ATP9B: variants seen among roughly 807,000 people sequenced by gnomAD.
ATP9B encodes ATPase phospholipid transporting 9B, also known as probable phospholipid-transporting ATPase IIB.
ATP9B carries 110 observed loss-of-function variants against 146.1 expected under a neutral mutation model. The observed-to-expected ratio is 0.75, with a 90% CI of 0.65 to 0.88. The LOEUF is 0.88. Ranked by LOEUF, ATP9B falls within the 40% of genes least tolerant of loss-of-function variation. The pLI, the probability that ATP9B is intolerant of heterozygous loss-of-function variation, is 0.00. For synonymous variants in ATP9B, 604 were observed against 569.7 expected (o/e 1.06, Z -0.86); for missense variants, 1,499 against 1,496.4 (o/e 1.00, Z -0.03).
chr18:79,132,162 C>T lies in ATP9B; in HGVS notation c.667+5787C>T, dbSNP rs542079055. 3.9e-5 allele frequency among the ~76,000 whole-genome samples: 6 copies of T among 152,210 alleles called. No individual in the cohort carries two copies. In the South Asian group the frequency reaches 6.2e-4, roughly 16 times the overall value. ...TGTTGAGGAAGACCTTCTGCTGTTA[C>T]GTCTTTTGTACTTCTGTGATACTTG... On this transcript the variant is annotated intron_variant, in intron 5 of 29. Coordinates refer to ENST00000426216, the MANE Select transcript of ATP9B (RefSeq NM_198531.5).
Position 79,374,050 on chromosome 18 carries a change from C to G in ATP9B, c.3223C>G (p.Leu1075Val). The change falls in exon 28 of 30, where the codon CTC (leucine) becomes GTC (valine). Residue 1075 changes from leucine (L) to valine (V), a missense_variant. Leu to Val is a conservative substitution (Grantham distance 32). Transcript: ENST00000426216. ...WHWLMVVAEF[L>V]SLGCYVSSLA... ...CTGGCTGATGGTGGTGGCCGAGTTC[C>G]TCAGCTTAGGCTGCTACGTGTCCTC... The G allele has an allele frequency of 1.2e-6, 2 of 1,614,242 alleles. No individual in the cohort carries two copies. The highest frequency in any genetic ancestry group is 8.5e-7 in the Non-Finnish European group (1 of 1,180,042).
intron 17 of ATP9B, among the ~76,000 whole-genome samples, chr18:79,332,295 G>T (rs2096795354): frequency 6.6e-6 from 1 of 152,210 alleles, no homozygotes; most frequent in Non-Finnish European, 1.5e-5. Flanking sequence ...CGGGTGTGGT[G>T]GCGGGCGCCT....
rs140660026 is a variant in ATP9B at position 79,342,805 on chromosome 18, A to G, written c.2382+439A>G. Among the ~76,000 whole-genome samples the G allele has an allele frequency of 2.6e-5, 4 of 152,334 alleles. No homozygotes were observed. The East Asian group carries it at 7.7e-4, about 29-fold the overall frequency. ...GTAAAAATGTATATTGATTAAAAAA[A>G]TTACATTTTTCTACAAGTTATACGT... On this transcript the variant is annotated intron_variant, in intron 20 of 29. Transcript: ENST00000426216.
chr18:79,091,178 A>G lies in ATP9B; in HGVS notation c.120-5298A>G, dbSNP rs2074288832. Among the ~76,000 whole-genome samples, 3 of 152,190 alleles carry G rather than the reference A, an allele frequency of 2.0e-5. No individual in the cohort carries two copies. The South Asian group carries it at 6.2e-4, about 31-fold the overall frequency. On this transcript the variant is annotated intron_variant, in intron 1 of 29. Transcript: ENST00000426216. Reference sequence around the variant, plus strand: ...ATGCCAGTAACTTGCTGTTTTGGTTACTATAGCTCTGCAGTATAATTTGAA... The same window carrying G: ...ATGCCAGTAACTTGCTGTTTTGGTTGCTATAGCTCTGCAGTATAATTTGAA...
chr18:79,143,462 AGTTTT>A (rs2094538780), intron 5 of ATP9B, among the ~76,000 whole-genome samples: 1 of 152,194 alleles, frequency 6.6e-6, no homozygotes, highest in East Asian at 1.9e-4. Flanking sequence ...CTCTGTGTTA[AGTTTT>A]AATGCTGAGA....
chr18:79,142,168 T>A (rs2147396053), intron 5 of ATP9B, among the ~76,000 whole-genome samples: 1 of 152,358 alleles, frequency 6.6e-6, no homozygotes, highest in East Asian at 1.9e-4. Flanking sequence ...ATAAACTTTT[T>A]TCGTTAAACA....
rs372718240 is a variant in ATP9B at position 79,292,144 on chromosome 18, G to A, written c.1412-11460G>A. 3.9e-5 allele frequency among the ~76,000 whole-genome samples: 6 copies of A among 152,352 alleles called. No homozygotes were observed. In the East Asian group the frequency reaches 9.6e-4, roughly 24 times the overall value. On this transcript the variant is annotated intron_variant, in intron 13 of 29. Coordinates refer to ENST00000426216, the MANE Select transcript of ATP9B (RefSeq NM_198531.5). ...TTTATTTATCCATTCATAAGGTGAT[G>A]GACATGGGTTGTTTCTACTTTTTGC...
chr18:79,254,156 C>A (rs1316344909), intron 12 of ATP9B: 2 of 152,010 alleles, frequency 1.3e-5, no homozygotes, highest in African/African-American at 4.8e-5. Flanking sequence ...TTAAAATTTT[C>A]ATAGGAATGA....
In ATP9B at chr18:79,175,271, CTG is replaced by C. The variant is rs539586675; in HGVS notation, c.779-1539_779-1538del. Among the ~76,000 whole-genome samples the C allele has an allele frequency of 1.5e-3, 217 of 149,166 alleles. 2 individuals are homozygous for C. The highest frequency in any genetic ancestry group is 5.0e-3 in the African/African-American group (204 of 40,998). On this transcript the variant is annotated intron_variant, in intron 7 of 29. Coordinates refer to ENST00000426216, the MANE Select transcript of ATP9B (RefSeq NM_198531.5). ...CAAAAGTCACCTGGATGAATTCTCT[CTG>C]TGATTAAACTGAATTATGTTTTATA...
At chr18:79,202,342 A>G (rs1006687881) in intron 9 of ATP9B, among the ~76,000 whole-genome samples, 1 of 152,198 alleles carries the variant, frequency 6.6e-6, no homozygotes, top group African/African-American at 2.4e-5. Context: ...TTGAAGTATT[A>G]GCAGTATTTA....
intron 17 of ATP9B, among the ~76,000 whole-genome samples, chr18:79,333,393 G>A (rs1473368231): frequency 6.6e-6 from 1 of 152,208 alleles, no homozygotes; most frequent in Non-Finnish European, 1.5e-5. Context: ...CAGATTCTCA[G>A]TGTTCAGCAC....
chr18:79,114,651 T>A (rs1312109329), intron 4 of ATP9B, among the ~76,000 whole-genome samples: 1 of 152,202 alleles, frequency 6.6e-6, no homozygotes, highest in African/African-American at 2.4e-5. Flanking sequence ...ATATGTAATA[T>A]AAACACGAAA....
At chr18:79,086,138 T>C (rs1204483470) in intron 1 of ATP9B, 1 of 152,154 alleles carries the variant, frequency 6.6e-6, no homozygotes, top group East Asian at 1.9e-4. Flanking sequence ...TATAAGAATT[T>C]CCTTTAAAAG....
Position 79,323,488 on chromosome 18 carries a change from C to A in ATP9B, c.1774-5653C>A, listed in dbSNP as rs146697894. Among the ~76,000 whole-genome samples, 465 of 152,322 alleles carry A rather than the reference C, an allele frequency of 3.1e-3. 1 individual carries two copies. Among genetic ancestry groups the A allele is most frequent in the Non-Finnish European group, 4.3e-3 (291 of 68,034 alleles). Reference sequence around the variant, plus strand: ...ATCCTTCCCGGACTCTGGTAACCATCATTCTACTCTCTGTCTCCAGGAGTT... The same window carrying A: ...ATCCTTCCCGGACTCTGGTAACCATAATTCTACTCTCTGTCTCCAGGAGTT... On this transcript the variant is annotated intron_variant, in intron 15 of 29. Coordinates refer to ENST00000426216, the MANE Select transcript of ATP9B (RefSeq NM_198531.5).
intron 1 of ATP9B, among the ~76,000 whole-genome samples, chr18:79,094,309 G>A (rs928644275): frequency 3.3e-5 from 5 of 152,182 alleles, no homozygotes; most frequent in Non-Finnish European, 5.9e-5. Flanking sequence ...GGCATCCCTC[G>A]TCCAGCTTTC....
intron 26 of ATP9B, chr18:79,363,586 A>G (rs546563468): frequency 6.6e-6 from 1 of 152,430 alleles, no homozygotes; most frequent in Admixed American, 6.5e-5. Flanking sequence ...TGAGAGGCGT[A>G]AGCAGATGTT....
intron 11 of ATP9B, among the ~76,000 whole-genome samples, chr18:79,223,560 A>G (rs2095701304): frequency 6.6e-6 from 1 of 152,182 alleles, no homozygotes; most frequent in Non-Finnish European, 1.5e-5. Context: ...ACTGTTGTTA[A>G]TATTCACAAA....
At chr18:79,274,307 G>A (rs148866351) in intron 12 of ATP9B, among the ~76,000 whole-genome samples, 1 of 152,298 alleles carries the variant, frequency 6.6e-6, no homozygotes, top group African/African-American at 2.4e-5. Flanking sequence ...CCAACTTAGT[G>A]TTTGAAATCT....
intron 2 of ATP9B, among the ~76,000 whole-genome samples, chr18:79,096,888 G>T (rs1439961497): frequency 6.6e-6 from 1 of 152,146 alleles, no homozygotes; most frequent in Non-Finnish European, 1.5e-5. Context: ...CGGGTGTGGT[G>T]GCTCATGCCT....
Sources: allele counts gnomAD v4.1 joint callset (sites outside exome capture counted in the v4.1 genomes callset), GRCh38; gene constraint gnomAD v4.1.1; transcripts MANE v1.5; gene names NCBI Gene and HGNC (gene_info 2026-07-23, HGNC 2026-07-21).